Variants in NR2F1-AS1 observed in about 807,000 individuals in gnomAD.
NR2F1-AS1 encodes the protein NR2F1 regulatory antisense RNA 1.
chr5:93,530,025 T>C (rs1751701012), intron 4 of NR2F1-AS1, among the ~76,000 whole-genome samples: 1 of 151,772 alleles, frequency 6.6e-6, no homozygotes, highest in South Asian at 2.1e-4. Context: ...TTTAATATCA[T>C]TATTTCTAAT....
At chr5:93,563,361 T>C (rs1226329816) in intron 2 of NR2F1-AS1, 1 of 152,242 alleles carries the variant, frequency 6.6e-6, no homozygotes, top group Non-Finnish European at 1.5e-5. Context: ...TCAATATTCT[T>C]ACCGCCATTC....
chr5:93,428,880 G>A (rs891881599), intron 4 of NR2F1-AS1, among the ~76,000 whole-genome samples: 11 of 152,118 alleles, frequency 7.2e-5, no homozygotes, highest in African/African-American at 1.2e-4. Context: ...TCTCTAAGAC[G>A]TATCCAATTT....
intron 4 of NR2F1-AS1, among the ~76,000 whole-genome samples, chr5:93,459,743 A>G (rs1294364790): frequency 6.6e-6 from 1 of 152,152 alleles, no homozygotes; most frequent in Non-Finnish European, 1.5e-5. Flanking sequence ...AAGGAGTGAC[A>G]GTAGAAAGCA....
upstream of NR2F1-AS1, chr5:93,581,174 C>T (rs1753019733): frequency 6.6e-6 from 1 of 152,198 alleles, no homozygotes; most frequent in Non-Finnish European, 1.5e-5. Context: ...TTTACTTCCA[C>T]CTTTACCTGA....
intron 4 of NR2F1-AS1, among the ~76,000 whole-genome samples, chr5:93,430,318 T>C (rs1433131037): frequency 6.6e-6 from 1 of 152,336 alleles, no homozygotes; most frequent in East Asian, 1.9e-4. Flanking sequence ...CCAGGCTTCA[T>C]GGCAAGAGCG....
chr5:93,511,724 C>A (rs1751299230), intron 4 of NR2F1-AS1, among the ~76,000 whole-genome samples: 1 of 152,162 alleles, frequency 6.6e-6, no homozygotes, highest in African/African-American at 2.4e-5. Context: ...CAAGCTTTAT[C>A]ACCTGAGCTC....
intron 4 of NR2F1-AS1, among the ~76,000 whole-genome samples, chr5:93,470,327 C>G (rs1359177853): frequency 6.6e-6 from 1 of 151,794 alleles, no homozygotes; most frequent in Non-Finnish European, 1.5e-5. Flanking sequence ...TTGTTATCTA[C>G]ATACTATAAT....
chr5:93,532,357 A>G (rs540437317), intron 4 of NR2F1-AS1, among the ~76,000 whole-genome samples: 1 of 151,700 alleles, frequency 6.6e-6, no homozygotes, highest in East Asian at 1.9e-4. Flanking sequence ...CTTAGTTTTT[A>G]TAAAATTCCT....
intron 4 of NR2F1-AS1, among the ~76,000 whole-genome samples, chr5:93,531,199 G>T (rs1270526036): frequency 3.9e-5 from 6 of 152,188 alleles, no homozygotes; most frequent in Non-Finnish European, 7.3e-5. Flanking sequence ...AATGGCAAAT[G>T]ATTGCCCAAA....
rs565092372 is a variant in NR2F1-AS1 at position 93,524,681 on chromosome 5, G to C, written n.638+29080C>G. Among the ~76,000 whole-genome samples the C allele has an allele frequency of 2.0e-4, 30 of 152,270 alleles. No individual in the cohort carries two copies. In the East Asian group the frequency reaches 5.0e-3, roughly 25 times the overall value. On this transcript the variant is annotated intron_variant and non_coding_transcript_variant, in intron 4 of 5. Transcript: ENST00000660523. ...CTCTCTGCAGAAACCCTACAAGCCAGAAGAGAGTGGGGTCCAATATGCAAT... is the reference window on the plus strand; with the variant it reads ...CTCTCTGCAGAAACCCTACAAGCCACAAGAGAGTGGGGTCCAATATGCAAT...
chr5:93,467,108 G>A (rs1003147522), intron 4 of NR2F1-AS1, among the ~76,000 whole-genome samples: 3 of 152,066 alleles, frequency 2.0e-5, no homozygotes, highest in Admixed American at 1.3e-4. Context: ...CACCACATTG[G>A]CCAGGCTGGT....
chr5:93,497,592 T>C (rs1374067036), intron 4 of NR2F1-AS1, among the ~76,000 whole-genome samples: 1 of 152,222 alleles, frequency 6.6e-6, no homozygotes, highest in Admixed American at 6.6e-5. Flanking sequence ...CGTTGAACCC[T>C]GTTTTTTCTT....
At chr5:93,573,898 T>C (rs560078147) in intron 1 of NR2F1-AS1, among the ~76,000 whole-genome samples, 1 of 152,322 alleles carries the variant, frequency 6.6e-6, no homozygotes, top group South Asian at 2.1e-4. Context: ...ATTAGATTTA[T>C]GGTCTCTTTT....
At chr5:93,513,631 C>T (rs1036929497) in intron 4 of NR2F1-AS1, among the ~76,000 whole-genome samples, 5 of 151,932 alleles carry the variant, frequency 3.3e-5, no homozygotes, top group Admixed American at 2.0e-4. Context: ...AAGACAGCAA[C>T]AATAGACACT....
intron 1 of NR2F1-AS1, among the ~76,000 whole-genome samples, chr5:93,565,040 T>A (rs1752584798): frequency 6.6e-6 from 1 of 152,078 alleles, no homozygotes. Flanking sequence ...TTCTCTCTCC[T>A]CACTCCTTCT....
chr5:93,553,125 A>G (rs987682847), intron 4 of NR2F1-AS1, among the ~76,000 whole-genome samples: 3 of 141,984 alleles, frequency 2.1e-5, no homozygotes, highest in African/African-American at 8.0e-5. Flanking sequence ...TCAGTAATAC[A>G]CTTTTTTTTT....
chr5:93,459,878 T>C (rs570660708), intron 4 of NR2F1-AS1, among the ~76,000 whole-genome samples: 186 of 152,054 alleles, frequency 1.2e-3, no homozygotes, highest in African/African-American at 4.4e-3. Context: ...GGAACTGGAG[T>C]AAGGAAACCC....
intron 4 of NR2F1-AS1, among the ~76,000 whole-genome samples, chr5:93,535,999 A>C (rs1241180289): frequency 6.6e-6 from 1 of 152,160 alleles, no homozygotes; most frequent in East Asian, 1.9e-4. Context: ...ACTGGAAAGG[A>C]GGAAGTAAAA....
intron 4 of NR2F1-AS1, among the ~76,000 whole-genome samples, chr5:93,457,377 TCCTGCATAG>T (rs1749973793): frequency 6.6e-6 from 1 of 152,174 alleles, no homozygotes; most frequent in Admixed American, 6.5e-5. Context: ...ACAAAGCACA[TCCTGCATAG>T]CCCTAAATCC....
Sources: allele counts gnomAD v4.1 joint callset (sites outside exome capture counted in the v4.1 genomes callset), GRCh38; gene constraint gnomAD v4.1.1; transcripts MANE v1.5; gene names NCBI Gene and HGNC (gene_info 2026-07-23, HGNC 2026-07-21).